The following FMO3 variants were observed in gnomAD, a reference collection of about 807,000 sequenced individuals.
The protein encoded by FMO3 is flavin containing dimethylaniline monoxygenase 3.
FMO3 carries 40 observed loss-of-function variants against 39.4 expected under a neutral mutation model. That is an observed-to-expected ratio of 1.02 (90% CI 0.79 to 1.32). The LOEUF (loss-of-function observed/expected upper bound fraction) is 1.32. FMO3 is among the 40% of genes most tolerant of loss of function. The probability of loss-of-function intolerance (pLI) is 0.00; values close to 1 mark genes in which losing one functional copy is unlikely to be tolerated. For missense variants in FMO3, 680 were observed against 651.8 expected, an observed-to-expected ratio of 1.04 and a Z score of -0.47; for synonymous variants, 219 against 228.8, an observed-to-expected ratio of 0.96 and a Z score of 0.39.
Position 171,103,800 on chromosome 1 carries a change from G to A in FMO3, c.148G>A (p.Gly50Ser), listed in dbSNP as rs1485887630. The A allele has an allele frequency of 6.2e-7, 1 of 1,613,422 alleles. No individual in the cohort carries two copies. Among genetic ancestry groups the A allele is most frequent in the Admixed American group, 1.7e-5 (1 of 59,960 alleles). ...ACATTCACAGGACCATGCAGAGGAGGGCAGGGCTAGCATTTACAAATCAGT... is the reference window on the plus strand; with the variant it reads ...ACATTCACAGGACCATGCAGAGGAGAGCAGGGCTAGCATTTACAAATCAGT... Reference protein sequence around the residue: ...LWKFSDHAEEGRASIYKSVFS... With the variant: ...LWKFSDHAEESRASIYKSVFS... The change falls in exon 3 of 9, where the codon GGC (glycine) becomes AGC (serine). Residue 50 changes from glycine to serine, a missense_variant. Gly to Ser is a moderately conservative substitution (Grantham distance 56). Transcript: ENST00000367755.
At chr1:171,091,892 C>CGTGT (rs10594148) in intron 1 of FMO3, among the ~76,000 whole-genome samples, 38 of 147,496 alleles carry the variant, frequency 2.6e-4, no homozygotes, top group Middle Eastern at 3.6e-3. Context: ...ATACAGATTG[C>CGTGT]GTGTGTGTGT....
rs1302419050 is a variant in FMO3 at position 171,107,797 on chromosome 1, A to T, written c.444A>T (p.Gly148=). The change falls in exon 4 of 9, where the codon GGA becomes GGT. Residue 148 remains glycine (G), a synonymous_variant. Transcript: ENST00000367755. ...AVFDAVMVCS[G]HHVYPNLPKE... The stretch of plus-strand genomic sequence containing the variant: ...TTGATGCTGTAATGGTTTGTTCCGG[A>T]CATCATGTGTATCCCAACCTACCAA... 5 of 1,613,976 alleles carry T rather than the reference A, an allele frequency of 3.1e-6. No individual in the cohort carries two copies. Among genetic ancestry groups the T allele is most frequent in the African/African-American group, 2.7e-5 (2 of 75,034 alleles).
At chr1:171,096,702 T>C (rs1304191767) in intron 2 of FMO3, among the ~76,000 whole-genome samples, 3 of 110,222 alleles carry the variant, frequency 2.7e-5, no homozygotes, top group South Asian at 3.1e-4. Flanking sequence ...AATATAATTA[T>C]ATAAAAATTA....
At position 171,108,145 on chromosome 1, in the gene FMO3, GA is replaced by G. The variant is rs745663963; in HGVS notation, c.554del (p.Lys185SerfsTer27). ...RDYKEPGVFN[G>X]KRVLVVGLGN... Reference sequence around the variant, plus strand: ...TATAAAGAACCAGGTGTATTCAATGGAAAGCGTGTCCTGGTGGTTGGCCTGG... The same window carrying G: ...TATAAAGAACCAGGTGTATTCAATGGAAGCGTGTCCTGGTGGTTGGCCTGG... On this transcript the variant is annotated frameshift_variant, in exon 5 of 9. Transcript: ENST00000367755. LOFTEE classifies it high-confidence loss of function. 6.2e-7 allele frequency: 1 copy of G among 1,613,922 alleles called. No homozygotes were observed. Among genetic ancestry groups the G allele is most frequent in the Admixed American group, 1.7e-5 (1 of 59,970 alleles).
chr1:171,101,860 A>T, intron 2 of FMO3: 1 of 403,446 alleles, frequency 2.5e-6, no homozygotes. Flanking sequence ...GAATTTTTGC[A>T]TGAAGTTTTA....
At chr1:171,100,781 G>A (rs1004535194) in intron 2 of FMO3, 3 of 250,564 alleles carry the variant, frequency 1.2e-5, no homozygotes, top group Non-Finnish European at 2.4e-5. Context: ...CCTGTAATAG[G>A]CTGAACAATT....
intron 2 of FMO3, among the ~76,000 whole-genome samples, chr1:171,093,827 C>A (rs1447452177): frequency 1.1e-4 from 8 of 75,308 alleles, no homozygotes; most frequent in Non-Finnish European, 1.6e-4. Flanking sequence ...TCACTAATAT[C>A]TTTTTTTTTT....
At chr1:171,096,068 A>ATG (rs1320163066) in intron 2 of FMO3, among the ~76,000 whole-genome samples, 2 of 65,128 alleles carry the variant, frequency 3.1e-5, no homozygotes, top group African/African-American at 1.6e-4. Flanking sequence ...TATATATTAT[A>ATG]TATTAATATA....
At chr1:171,116,405 A>G in intron 8 of FMO3, 125 bp downstream of exon 8, 1 of 618,040 alleles carries the variant, frequency 1.6e-6, no homozygotes, top group South Asian at 2.1e-5. Flanking sequence ...ACTACAAGCT[A>G]TATTCATCCA....
chr1:171,092,563 C>A, intron 1 of FMO3, 90 bp from the exon 2 acceptor site: 1 of 1,494,478 alleles, frequency 6.7e-7, no homozygotes, highest in Non-Finnish European at 9.3e-7. Context: ...TTTTATTAAG[C>A]CAAAGAGCGA....
intron 2 of FMO3, among the ~76,000 whole-genome samples, chr1:171,093,495 G>A (rs1277552823): frequency 7.2e-6 from 1 of 139,240 alleles, no homozygotes; most frequent in African/African-American, 3.4e-5. Context: ...TCCATGGTGT[G>A]TGCATATATA....
rs974921816 is a variant in FMO3, at chr1:171,117,710, T to G, written c.*268T>G. ...CAGAACTATGTTCTTTATATCTAAC[T>G]TAAATCATTTCCTGAAACATTTTGA... On this transcript the variant is annotated 3_prime_UTR_variant, in exon 9 of 9. Transcript: ENST00000367755. The G allele has an allele frequency of 1.2e-5, 4 of 325,640 alleles. No homozygotes were observed. The highest frequency in any genetic ancestry group is 2.2e-5 in the Non-Finnish European group (4 of 178,728). 20.2% of individuals were successfully genotyped at this position (325,640 alleles called of 1,614,324 possible).
At chr1:171,101,786 C>T (rs767180691) in intron 2 of FMO3, 8 of 506,646 alleles carry the variant, frequency 1.6e-5, no homozygotes, top group East Asian at 1.1e-4. Context: ...GAATAGGCCA[C>T]GGATCTGGGC....
In FMO3 at chr1:171,114,220, C is replaced by A. The variant is rs770714703; in HGVS notation, c.1041C>A (p.Asn347Lys). 45 of 1,613,852 alleles carry A rather than the reference C, an allele frequency of 2.8e-5. No individual in the cohort carries two copies. The highest frequency in any genetic ancestry group is 5.0e-5 in the Admixed American group (3 of 59,966). The change falls in exon 7 of 9, where the codon AAC becomes AAA. Residue 347 changes from asparagine to lysine, a missense_variant. Asn to Lys is a moderately conservative substitution (Grantham distance 94). Transcript: ENST00000367755. ...FLDESIIKSR[N>K]NEIILFKGVF... ...ATGAGTCTATCATCAAAAGCAGAAA[C>A]AATGAGATCATTTTATTTAAAGGAG...
chr1:171,117,379 C>T lies in FMO3; in HGVS notation c.1536C>T (p.Phe512=). The change falls in exon 9 of 9, where the codon TTC becomes TTT. Residue 512 remains phenylalanine (F), a synonymous_variant. Coordinates refer to ENST00000367755, the MANE Select transcript of FMO3 (RefSeq NM_001002294.3). ...VGRLQKPCFF[F]HWLKLFAIPI... ...GACTTCAGAAGCCTTGCTTCTTTTT[C>T]CATTGGCTGAAGCTCTTTGCAATTC... 1.2e-6 allele frequency: 2 copies of T among 1,612,332 alleles called. No homozygotes were observed. Among genetic ancestry groups the T allele is most frequent in the Non-Finnish European group, 1.7e-6 (2 of 1,179,418 alleles).
intron 2 of FMO3, among the ~76,000 whole-genome samples, chr1:171,093,657 G>A (rs1197161768): frequency 6.6e-6 from 1 of 151,756 alleles, no homozygotes; most frequent in Non-Finnish European, 1.5e-5. Flanking sequence ...TATGGGTGCA[G>A]GAATTTTTTT....
intron 6 of FMO3, among the ~76,000 whole-genome samples, chr1:171,112,916 C>G (rs1655977792): frequency 6.6e-6 from 1 of 152,034 alleles, no homozygotes; most frequent in South Asian, 2.1e-4. Flanking sequence ...GAATAGCCAG[C>G]AAAGTAGGAA....
chr1:171,101,258 C>T (rs560743881), intron 2 of FMO3: 5 of 454,870 alleles, frequency 1.1e-5, no homozygotes, highest in African/African-American at 6.0e-5. Flanking sequence ...CGACTGCTGA[C>T]TTCTAGAACT....
At chr1:171,096,441 T>G (rs868819533) in intron 2 of FMO3, among the ~76,000 whole-genome samples, 35 of 103,424 alleles carry the variant, frequency 3.4e-4, no homozygotes, top group South Asian at 6.9e-4. Context: ...TATTACATAT[T>G]TTATATATTA....
Sources: allele counts gnomAD v4.1 joint callset (sites outside exome capture counted in the v4.1 genomes callset), GRCh38; gene constraint gnomAD v4.1.1; transcripts MANE v1.5; gene names NCBI Gene and HGNC (gene_info 2026-07-23, HGNC 2026-07-21).